The following SEC22A variants were observed in gnomAD, a reference collection of about 807,000 sequenced individuals.
SEC22A encodes the protein vesicle-trafficking protein SEC22a.
SEC22A carries 22 observed loss-of-function variants against 35.3 expected under a neutral mutation model. That is an observed-to-expected ratio of 0.62 (90% confidence interval 0.45 to 0.89). SEC22A has a LOEUF of 0.89. SEC22A is among the 40% of genes least tolerant of loss of function. The pLI is 0.00. For synonymous variants in SEC22A, 119 were observed against 129.5 expected, an observed-to-expected ratio of 0.92 and a Z score of 0.55; for missense variants, 354 against 362.5, an observed-to-expected ratio of 0.98 and a Z score of 0.19.
At chr3:123,253,726 A>AAAG (rs1559761970) in intron 5 of SEC22A, among the ~76,000 whole-genome samples, 26 of 151,356 alleles carry the variant, frequency 1.7e-4, no homozygotes, top group African/African-American at 6.1e-4. Flanking sequence ...AAAAAAAAAA[A>AAAG]AAAGAAAGAA....
chr3:123,206,257 C>G (rs1936850477), intron 1 of SEC22A, among the ~76,000 whole-genome samples: 1 of 152,088 alleles, frequency 6.6e-6, no homozygotes, highest in Admixed American at 6.6e-5. Flanking sequence ...CCATGCCCAG[C>G]TGATTTTTAA....
chr3:123,208,266 C>T (rs1005917316), intron 1 of SEC22A: 3 of 152,140 alleles, frequency 2.0e-5, no homozygotes, highest in African/African-American at 7.2e-5. Context: ...TTTACTTAAC[C>T]ATCACCATTT....
At chr3:123,240,102 C>A (rs545990764) in intron 4 of SEC22A, among the ~76,000 whole-genome samples, 1 of 152,024 alleles carries the variant, frequency 6.6e-6, no homozygotes, top group African/African-American at 2.4e-5. Flanking sequence ...GATTGGAATG[C>A]GTATGAAAGG....
At chr3:123,253,712 C>CA (rs550562079) in intron 5 of SEC22A, among the ~76,000 whole-genome samples, 35,365 of 102,824 alleles carry the variant, frequency 0.34, 4,944 homozygotes, top group Admixed American at 0.46. Flanking sequence ...GACTCCATCT[C>CA]AAAAAAAAAA....
chr3:123,264,322 G>A (rs568598778), intron 6 of SEC22A, among the ~76,000 whole-genome samples: 1 of 152,328 alleles, frequency 6.6e-6, no homozygotes, highest in Admixed American at 6.5e-5. Flanking sequence ...AGTTCTTTGG[G>A]ATAAATGCCT....
In SEC22A at chr3:123,272,060, C is replaced by G. The variant is rs1938181841; in HGVS notation, c.*338C>G. 2 of 258,956 alleles carry G rather than the reference C, an allele frequency of 7.7e-6. No homozygotes were observed. Among genetic ancestry groups the G allele is most frequent in the African/African-American group, 4.4e-5 (2 of 45,180 alleles). The allele number at this position is 258,956 out of a possible 1,614,324, so 16.0% of individuals were successfully genotyped here. A position where few individuals can be genotyped will look rare whatever the true frequency, so the allele number is the denominator to read the frequency against. ...ATAGATGTGGTATTGCTCTGAGGAC[C>G]AGGCAGGAGGAACTCTACAACCTGA... is the stretch of plus-strand genomic sequence containing the variant. On this transcript the variant is annotated 3_prime_UTR_variant, in exon 7 of 7. Transcript: ENST00000492595.
intron 4 of SEC22A, among the ~76,000 whole-genome samples, chr3:123,229,471 G>C (rs1323316842): frequency 6.6e-6 from 1 of 152,134 alleles, no homozygotes; most frequent in Admixed American, 6.5e-5. Context: ...ATCTAGCAAA[G>C]TTATCTTTTA....
At chr3:123,264,522 T>C (rs1260724306) in intron 6 of SEC22A, among the ~76,000 whole-genome samples, 1 of 152,160 alleles carries the variant, frequency 6.6e-6, no homozygotes, top group Non-Finnish European at 1.5e-5. Flanking sequence ...TGATAGCTCA[T>C]TGTGGTTTTA....
Position 123,240,759 on chromosome 3 carries a change from A to G in SEC22A, c.542-5140A>G, listed in dbSNP as rs190545402. On this transcript the variant is annotated intron_variant, in intron 4 of 6. Transcript: ENST00000492595. ...AATTTGTGAGCATTTTGATTACTCA[A>G]CATCTTCACCGACATTTAGTGTTGT... is the stretch of plus-strand genomic sequence containing the variant. Among the ~76,000 whole-genome samples, 154 of 152,246 alleles carry G rather than the reference A, an allele frequency of 1.0e-3. 1 individual carries two copies. Among genetic ancestry groups the G allele is most frequent in the Non-Finnish European group, 1.6e-3 (112 of 68,012 alleles).
intron 6 of SEC22A, among the ~76,000 whole-genome samples, chr3:123,266,375 T>C (rs1938026754): frequency 6.6e-6 from 1 of 152,142 alleles, no homozygotes. Flanking sequence ...AGTAGGAGCT[T>C]ACATGATTGG....
chr3:123,246,814 A>G lies in SEC22A; in HGVS notation c.657+800A>G, dbSNP rs530655923. 3.9e-5 allele frequency among the ~76,000 whole-genome samples: 6 copies of G among 152,300 alleles called. No homozygotes were observed. In the South Asian group the frequency reaches 1.0e-3, roughly 26 times the overall value. ...TTTTGGTCAGCATTAAGTGCAGAATACCATTTGTAAAAATCCACTGAGCAC... is the reference window on the plus strand; with the variant it reads ...TTTTGGTCAGCATTAAGTGCAGAATGCCATTTGTAAAAATCCACTGAGCAC... On this transcript the variant is annotated intron_variant, in intron 5 of 6. Coordinates refer to ENST00000492595, the MANE Select transcript of SEC22A (RefSeq NM_012430.5).
intron 6 of SEC22A, among the ~76,000 whole-genome samples, chr3:123,267,690 T>C (rs1938057321): frequency 6.6e-6 from 1 of 152,216 alleles, no homozygotes; most frequent in African/African-American, 2.4e-5. Context: ...CAAGATTCCT[T>C]CTTTTTAATT....
intron 4 of SEC22A, among the ~76,000 whole-genome samples, chr3:123,242,046 T>A (rs550147246): frequency 1.2e-4 from 18 of 152,308 alleles, no homozygotes; most frequent in African/African-American, 3.8e-4. Flanking sequence ...GGCCTATCTA[T>A]AGGCACTGTT....
At chr3:123,264,539 G>A (rs538087417) in intron 6 of SEC22A, among the ~76,000 whole-genome samples, 11 of 151,488 alleles carry the variant, frequency 7.3e-5, no homozygotes, top group East Asian at 5.8e-4. Context: ...TTTAACTTGC[G>A]TTGTTTAACA....
At chr3:123,208,074 A>G (rs992034825) in intron 1 of SEC22A, among the ~76,000 whole-genome samples, 10 of 152,160 alleles carry the variant, frequency 6.6e-5, no homozygotes, top group Middle Eastern at 3.2e-3. Flanking sequence ...CCGTTTTTCA[A>G]TCCCTTTTTC....
intron 6 of SEC22A, among the ~76,000 whole-genome samples, chr3:123,268,373 G>A (rs1367553413): frequency 6.6e-6 from 1 of 152,104 alleles, no homozygotes; most frequent in Non-Finnish European, 1.5e-5. Flanking sequence ...GATATATGAA[G>A]CAAAAAAGAA....
At chr3:123,234,675 T>G (rs986068089) in intron 4 of SEC22A, among the ~76,000 whole-genome samples, 1 of 152,166 alleles carries the variant, frequency 6.6e-6, no homozygotes, top group Admixed American at 6.5e-5. Context: ...CATATAAATC[T>G]TTGTATAATC....
chr3:123,208,823 C>T (rs530792963), intron 1 of SEC22A: 2 of 192,184 alleles, frequency 1.0e-5, no homozygotes, highest in South Asian at 9.5e-5. Flanking sequence ...GAGACGGAGT[C>T]TCACTCTGTC....
At chr3:123,237,366 G>C (rs1181715429) in intron 4 of SEC22A, among the ~76,000 whole-genome samples, 1 of 152,322 alleles carries the variant, frequency 6.6e-6, no homozygotes, top group Non-Finnish European at 1.5e-5. Context: ...GAATTGCTTT[G>C]TTCCATAAGA....
Sources: allele counts gnomAD v4.1 joint callset (sites outside exome capture counted in the v4.1 genomes callset), GRCh38; gene constraint gnomAD v4.1.1; transcripts MANE v1.5; gene names NCBI Gene and HGNC (gene_info 2026-07-23, HGNC 2026-07-21).